The following RUNX1 variants were observed in gnomAD, a reference collection of about 807,000 sequenced individuals.
RUNX1 encodes runt-related transcription factor 1.
Under a neutral mutation model 42.8 loss-of-function variants are expected in RUNX1, and 19 were observed. The observed-to-expected ratio is 0.44, with a 90% CI of 0.31 to 0.65. The LOEUF (loss-of-function observed/expected upper bound fraction) is 0.65, where lower values mean the gene tolerates loss of function less well. RUNX1 is among the 30% of genes least tolerant of loss of function. The probability of loss-of-function intolerance (pLI) is 0.07; values close to 1 mark genes in which losing one functional copy is unlikely to be tolerated. For synonymous variants in RUNX1, 271 were observed against 289.4 expected (o/e 0.94, Z 0.64); for missense variants, 528 against 672.0 (o/e 0.79, Z 2.37).
chr21:34,880,536 T>C (rs2057882746), intron 5 of RUNX1, 21 bp downstream of exon 5: 12 of 1,613,438 alleles, frequency 7.4e-6, no homozygotes, highest in African/African-American at 1.3e-5. Context: ...GTTTCAAGCA[T>C]AGTTTTGACA....
intron 7 of RUNX1, among the ~76,000 whole-genome samples, chr21:34,807,468 A>G (rs2056695518): frequency 2.0e-5 from 3 of 152,354 alleles, no homozygotes; most frequent in South Asian, 4.1e-4. Context: ...TAAAAGTCAC[A>G]TAGACCACAG....
At chr21:34,951,398 T>G (rs1163612218) in intron 2 of RUNX1, among the ~76,000 whole-genome samples, 1 of 152,250 alleles carries the variant, frequency 6.6e-6, no homozygotes, top group Non-Finnish European at 1.5e-5. Context: ...TGGCTTTTGT[T>G]GCCATTGCTT....
At chr21:34,880,504 T>C in intron 5 of RUNX1, 53 bp downstream of exon 5, 1 of 1,577,906 alleles carries the variant, frequency 6.3e-7, no homozygotes, top group Admixed American at 1.7e-5. Context: ...TTTTGAAATG[T>C]GGGTTTGTTG....
At chr21:34,986,822 A>AAGAG (rs1431805446) in intron 2 of RUNX1, among the ~76,000 whole-genome samples, 2 of 152,070 alleles carry the variant, frequency 1.3e-5, no homozygotes, top group Non-Finnish European at 2.9e-5. Context: ...CTAGGGCTGT[A>AAGAG]AGAGAATACA....
chr21:34,846,745 T>C (rs1163423867), intron 6 of RUNX1, among the ~76,000 whole-genome samples: 1 of 152,164 alleles, frequency 6.6e-6, no homozygotes, highest in African/African-American at 2.4e-5. Flanking sequence ...AAGACTCAAA[T>C]TTCAGTGGTT....
chr21:34,792,353 C>T lies in RUNX1; in HGVS notation c.1225G>A (p.Ala409Thr), dbSNP rs1569002104. Residue 409 changes from alanine (A) to threonine (T), a missense_variant, in exon 9 of 9, where the codon GCC (alanine) becomes ACC (threonine). Physicochemically the swap from Ala to Thr is moderately conservative, Grantham distance 58. Transcript: ENST00000675419. The surrounding 1 kb of genome is among the most constrained non-coding windows in gnomAD (Gnocchi z 6.9). ...SSPSYHLYYG[A>T]SAGSYQFSMV... ...GAGAACTGGTAGGAGCCGGCCGAGGCGCCGTAGTACAGGTGGTAGGAGGGC... is the reference window on the plus strand; with the variant it reads ...GAGAACTGGTAGGAGCCGGCCGAGGTGCCGTAGTACAGGTGGTAGGAGGGC... 2 of 1,557,670 alleles carry T rather than the reference C, an allele frequency of 1.3e-6. No individual in the cohort carries two copies. Among genetic ancestry groups the T allele is most frequent in the Non-Finnish European group, 1.7e-6 (2 of 1,151,024 alleles).
Position 34,886,924 on chromosome 21 carries a change from C to T in RUNX1, c.270G>A (p.Val90=), listed in dbSNP as rs2146409870. ...EVLADHPGEL[V]RTDSPNFLCS... is the part of the protein sequence containing the mutation. Reference sequence around the variant, plus strand: ...AGAGGAAGTTGGGGCTGTCGGTGCGCACCAGCTCGCCCGGGTGGTCGGCCA... The same window carrying T: ...AGAGGAAGTTGGGGCTGTCGGTGCGTACCAGCTCGCCCGGGTGGTCGGCCA... Residue 90 remains valine (V), a synonymous_variant, in exon 4 of 9, where the codon GTG becomes GTA. Coordinates refer to ENST00000675419, the MANE Select transcript of RUNX1 (RefSeq NM_001754.5). 1 of 1,613,394 alleles carries T rather than the reference C, an allele frequency of 6.2e-7. No homozygotes were observed. Among genetic ancestry groups the T allele is most frequent in the South Asian group, 1.1e-5 (1 of 91,082 alleles).
At chr21:34,849,275 AT>A in intron 6 of RUNX1, among the ~76,000 whole-genome samples, 1 of 69,412 alleles carries the variant, frequency 1.4e-5, no homozygotes, top group East Asian at 5.2e-4. Context: ...TATAATATAT[AT>A]ATAATATATA....
intron 6 of RUNX1, among the ~76,000 whole-genome samples, chr21:34,852,084 C>G (rs1346932797): frequency 1.3e-5 from 2 of 152,198 alleles, no homozygotes; most frequent in Admixed American, 1.3e-4. Flanking sequence ...AGGAAAATTG[C>G]TTGAACCCAG....
At chr21:34,884,382 C>T (rs1170293066) in intron 4 of RUNX1, among the ~76,000 whole-genome samples, 1 of 152,186 alleles carries the variant, frequency 6.6e-6, no homozygotes, top group East Asian at 1.9e-4. Flanking sequence ...CTTCAGTGAT[C>T]TTTTCATCAA....
chr21:34,908,356 C>T (rs1227907596), intron 2 of RUNX1, among the ~76,000 whole-genome samples: 2 of 152,042 alleles, frequency 1.3e-5, no homozygotes, highest in Admixed American at 6.5e-5. Context: ...GAAGAAGAGA[C>T]AATGTTTCTT....
chr21:35,027,958 TTAG>T (rs1399822892), intron 2 of RUNX1, among the ~76,000 whole-genome samples: 2 of 152,212 alleles, frequency 1.3e-5, no homozygotes, highest in Non-Finnish European at 2.9e-5. Context: ...TCATGTTTAA[TTAG>T]TAGTAGTATC....
intron 6 of RUNX1, among the ~76,000 whole-genome samples, chr21:34,835,441 G>A (rs1302367432): frequency 6.6e-6 from 1 of 151,836 alleles, no homozygotes; most frequent in Non-Finnish European, 1.5e-5. Flanking sequence ...GTGGGATGGT[G>A]GGCCCCTCAG....
At chr21:34,947,319 C>T (rs906625511) in intron 2 of RUNX1, among the ~76,000 whole-genome samples, 4 of 152,018 alleles carry the variant, frequency 2.6e-5, no homozygotes, top group African/African-American at 4.8e-5. Flanking sequence ...TAATGAAACA[C>T]GTGTGCCATA....
intron 2 of RUNX1, among the ~76,000 whole-genome samples, chr21:34,983,713 G>T (rs1413311042): frequency 6.6e-6 from 1 of 152,146 alleles, no homozygotes; most frequent in African/African-American, 2.4e-5. Flanking sequence ...ATAACTCTTT[G>T]GTGTGTTGTG....
intron 3 of RUNX1, chr21:34,889,726 T>TGCTGCGGGCATTTTCGCGGA (rs1300008802): frequency 3.4e-6 from 4 of 1,181,880 alleles, no homozygotes; most frequent in East Asian, 5.1e-5. Flanking sequence ...GTCCCCGCGG[T>TGCTGCGGGCATTTTCGCGGA]GCTGCGGGCA....
intron 7 of RUNX1, among the ~76,000 whole-genome samples, chr21:34,808,201 G>A (rs2056708204): frequency 6.6e-6 from 1 of 152,220 alleles, no homozygotes; most frequent in Non-Finnish European, 1.5e-5. Context: ...CAGACATCTT[G>A]GTTAGTCATG....
chr21:34,887,553 T>C, intron 3 of RUNX1: 2 of 1,128,700 alleles, frequency 1.8e-6, no homozygotes, highest in Non-Finnish European at 2.2e-6. Flanking sequence ...TGTCAGTTTT[T>C]TGCAGGTGAG....
At chr21:34,896,208 T>C (rs572304499) in intron 2 of RUNX1, among the ~76,000 whole-genome samples, 1 of 152,264 alleles carries the variant, frequency 6.6e-6, no homozygotes, top group East Asian at 1.9e-4. Flanking sequence ...AGAATATCTA[T>C]TGTAGTTTCA....
Sources: allele counts gnomAD v4.1 joint callset (sites outside exome capture counted in the v4.1 genomes callset), GRCh38; gene constraint gnomAD v4.1.1; non-coding constraint Gnocchi (gnomAD v3.1); transcripts MANE v1.5; gene names NCBI Gene and HGNC (gene_info 2026-07-23, HGNC 2026-07-21).